The following CFAP46 variants were observed in gnomAD, a reference collection of about 807,000 sequenced individuals.
The protein encoded by CFAP46 is cilia- and flagella-associated protein 46.
In CFAP46, 245 loss-of-function variants were observed where a neutral mutation model predicts 325.7. That is an observed-to-expected ratio of 0.75 (90% CI 0.68 to 0.84). The LOEUF (loss-of-function observed/expected upper bound fraction) is 0.84, where lower values mean the gene tolerates loss of function less well. Ranked by LOEUF, CFAP46 falls within the 40% of genes least tolerant of loss-of-function variation. CFAP46 has a pLI of 0.00. For synonymous variants in CFAP46, 1,523 were observed against 1,495.9 expected (o/e 1.02, Z -0.42); for missense variants, 3,346 against 3,543.0 (o/e 0.94, Z 1.41).
chr10:132,848,755 A>G (rs1848484964), intron 41 of CFAP46, among the ~76,000 whole-genome samples: 2 of 152,360 alleles, frequency 1.3e-5, no homozygotes, highest in South Asian at 2.1e-4. Flanking sequence ...TCTCCGCCAC[A>G]GAGAGCTTTT....
At chr10:132,823,401 GTGTGTGC>G (rs1278643571) in intron 50 of CFAP46, among the ~76,000 whole-genome samples, 3 of 132,978 alleles carry the variant, frequency 2.3e-5, no homozygotes, top group Non-Finnish European at 3.1e-5. Context: ...TGTGTGCTGT[GTGTGTGC>G]TGTGTGCTGT....
chr10:132,922,085 A>T lies in CFAP46; in HGVS notation c.1606+19T>A. 1 of 1,547,428 alleles carries T rather than the reference A, an allele frequency of 6.5e-7. No homozygotes were observed. The highest frequency in any genetic ancestry group is 2.4e-5 in the East Asian group (1 of 40,832). On this transcript the variant is annotated intron_variant, in intron 13 of 57. Coordinates refer to ENST00000368586, the MANE Select transcript of CFAP46 (RefSeq NM_001200049.3). Reference sequence around the variant, plus strand: ...AAGGTGGACCGTTCTGGGCTGGGAGAGCCCAGTGCAGAGCTCACCTTTGGC... The same window carrying T: ...AAGGTGGACCGTTCTGGGCTGGGAGTGCCCAGTGCAGAGCTCACCTTTGGC...
Position 132,884,501 on chromosome 10 carries a change from G to A in CFAP46, c.3627+602C>T, listed in dbSNP as rs1033326007. Among the ~76,000 whole-genome samples the A allele has an allele frequency of 6.6e-6, 1 of 152,234 alleles. No individual in the cohort carries two copies. The highest frequency in any genetic ancestry group is 1.9e-4 in the East Asian group (1 of 5,172). On this transcript the variant is annotated intron_variant, in intron 27 of 57. Transcript: ENST00000368586. The surrounding 1 kb of genome is among the most constrained non-coding windows in gnomAD (Gnocchi z 5.4). ...AAGGTTCATGCCTTTCACACCAGGGGCCTGGGATGCCTTTTCGTCCCCAAG... is the reference window on the plus strand; with the variant it reads ...AAGGTTCATGCCTTTCACACCAGGGACCTGGGATGCCTTTTCGTCCCCAAG...
intron 19 of CFAP46, among the ~76,000 whole-genome samples, chr10:132,912,340 CCT>C (rs551073304): frequency 6.6e-4 from 90 of 137,276 alleles, no homozygotes; most frequent in African/African-American, 2.5e-3. Context: ...TTCTCTCTCT[CCT>C]GTCTCTTCTC....
At chr10:132,892,564 A>G (rs1849268238) in intron 24 of CFAP46, 147 bp from the exon 25 acceptor site, 2 of 674,796 alleles carry the variant, frequency 3.0e-6, no homozygotes, top group East Asian at 2.8e-5. Flanking sequence ...TAACCTGACA[A>G]TGTTGTACCG....
At chr10:132,864,934 C>T (rs1338877425) in intron 35 of CFAP46, among the ~76,000 whole-genome samples, 1 of 151,002 alleles carries the variant, frequency 6.6e-6, no homozygotes, top group African/African-American at 2.4e-5. Context: ...CACCTGCCCT[C>T]AGTGCCTGAG....
intron 53 of CFAP46, 73 bp downstream of exon 53, chr10:132,814,504 G>T: frequency 1.3e-6 from 2 of 1,528,686 alleles, no homozygotes; most frequent in East Asian, 2.5e-5. Flanking sequence ...ACCAGTTGCT[G>T]CCCACAACTG....
chr10:132,872,005 C>T (rs1848901388), intron 32 of CFAP46, among the ~76,000 whole-genome samples: 1 of 152,132 alleles, frequency 6.6e-6, no homozygotes, highest in Admixed American at 6.5e-5. Context: ...TTAGTACATA[C>T]ATTTTAAATG....
intron 38 of CFAP46, among the ~76,000 whole-genome samples, chr10:132,858,400 G>A (rs1848677493): frequency 3.3e-5 from 5 of 149,926 alleles, no homozygotes; most frequent in African/African-American, 1.2e-4. Flanking sequence ...GTGGCCCCAG[G>A]TTGGAGGCAG....
chr10:132,865,882 A>G lies in CFAP46; in HGVS notation c.4890+143T>C, dbSNP rs181264993. The stretch of plus-strand genomic sequence containing the variant: ...AGGACGCACAGGACTGACTTCCCGC[A>G]GAGAGCTGGACCCAGACAAGAGAGG... On this transcript the variant is annotated intron_variant, in intron 35 of 57. Coordinates refer to ENST00000368586, the MANE Select transcript of CFAP46 (RefSeq NM_001200049.3). The G allele has an allele frequency of 6.8e-4, 514 of 755,124 alleles. 2 individuals are homozygous for G. In the African/African-American group the frequency reaches 8.3e-3, roughly 12 times the overall value. 46.8% of individuals were successfully genotyped at this position (755,124 alleles called of 1,614,324 possible).
At chr10:132,905,651 T>C (rs1727413832) in intron 22 of CFAP46, among the ~76,000 whole-genome samples, 1 of 152,228 alleles carries the variant, frequency 6.6e-6, no homozygotes, top group Admixed American at 6.5e-5. Flanking sequence ...TTCTATTTTC[T>C]TTTTGCTTCA....
At chr10:132,909,647 G>A (rs1367324095) in intron 20 of CFAP46, among the ~76,000 whole-genome samples, 1 of 152,200 alleles carries the variant, frequency 6.6e-6, no homozygotes, top group Admixed American at 6.5e-5. Flanking sequence ...TCATGGGGCC[G>A]GCCCTGGGCC....
intron 50 of CFAP46, among the ~76,000 whole-genome samples, chr10:132,822,485 CTG>C (rs1434805506): frequency 8.5e-5 from 9 of 105,962 alleles, no homozygotes; most frequent in African/African-American, 2.6e-4. Context: ...GCTGTGTGTG[CTG>C]TGTGTGCTGA....
intron 57 of CFAP46, among the ~76,000 whole-genome samples, chr10:132,809,696 G>T (rs1462478358): frequency 2.0e-5 from 3 of 152,136 alleles, no homozygotes; most frequent in Non-Finnish European, 4.4e-5. Flanking sequence ...GGGGTCCCGG[G>T]AAGCTCCTTT....
intron 50 of CFAP46, 63 bp from the exon 51 acceptor site, chr10:132,814,977 A>T: frequency 1.4e-6 from 2 of 1,426,780 alleles, no homozygotes; most frequent in Non-Finnish European, 2.0e-6. Context: ...CTCCGGCCAC[A>T]CGGTCGGTTA....
In CFAP46 at chr10:132,889,718, C is replaced by T. The variant is rs1310852680; in HGVS notation, c.3304+2615G>A. 1.3e-5 allele frequency among the ~76,000 whole-genome samples: 2 copies of T among 152,124 alleles called. No homozygotes were observed. Among genetic ancestry groups the T allele is most frequent in the African/African-American group, 2.4e-5 (1 of 41,412 alleles). ...CCACCCCTCATGCATTCCTGTGGAC[C>T]GTCTCCTCCTCCCCGGAGGCCGTCA... On this transcript the variant is annotated intron_variant, in intron 25 of 57. Transcript: ENST00000368586. The surrounding 1 kb of genome is among the most constrained non-coding windows in gnomAD (Gnocchi z 6.0).
chr10:132,859,353 G>A lies in CFAP46; in HGVS notation c.5199-106C>T, dbSNP rs145347210. ...CCCCGGTGTTCATCCAGGGATGCTC[G>A]GAGAAACGCTTTCGGAGCATTTCTC... On this transcript the variant is annotated intron_variant, in intron 37 of 57. Coordinates refer to ENST00000368586, the MANE Select transcript of CFAP46 (RefSeq NM_001200049.3). The A allele has an allele frequency of 1.8e-3, 1,599 of 890,340 alleles. 12 individuals carry two copies. In the African/African-American group the frequency reaches 0.023, roughly 13 times the overall value. 55.2% of individuals were successfully genotyped at this position (890,340 alleles called of 1,614,324 possible).
intron 47 of CFAP46, 143 bp from the exon 48 acceptor site, chr10:132,834,918 A>G: frequency 8.3e-7 from 1 of 1,206,102 alleles, no homozygotes; most frequent in Non-Finnish European, 1.1e-6. Flanking sequence ...CTCGGCAACG[A>G]GGGCCCCATA....
chr10:132,837,931 A>ATGCACGGACAGACACGCACGTG (rs1848291567), intron 44 of CFAP46, among the ~76,000 whole-genome samples: 1 of 142,216 alleles, frequency 7.0e-6, no homozygotes, highest in Admixed American at 6.9e-5. Flanking sequence ...ACACGCAGAC[A>ATGCACGGACAGACACGCACGTG]TGCACGGACA....
Sources: gnomAD v4.1 joint callset for allele counts (sites outside exome capture counted in the v4.1 genomes callset) on GRCh38, gnomAD v4.1.1 for gene constraint, Gnocchi (gnomAD v3.1) non-coding constraint, MANE v1.5 for transcripts, NCBI Gene and HGNC (gene_info 2026-07-23, HGNC 2026-07-21) for gene names.